Variants in RCOR3 observed in about 807,000 individuals in gnomAD.
RCOR3 encodes REST corepressor 3.
In RCOR3, 13 loss-of-function variants were observed where a neutral mutation model predicts 64.1. That is an observed-to-expected ratio of 0.20 (90% CI 0.13 to 0.32). RCOR3 has a LOEUF of 0.32. RCOR3 is among the 10% of genes least tolerant of loss of function. The pLI, the probability that RCOR3 is intolerant of heterozygous loss-of-function variation, is 1.00. For missense variants in RCOR3, 489 were observed against 701.2 expected (o/e 0.70, Z 3.42); for synonymous variants, 215 against 239.0 (o/e 0.90, Z 0.93).
chr1:211,296,053 GT>G (rs1026632595), intron 9 of RCOR3, among the ~76,000 whole-genome samples: 39 of 152,188 alleles, frequency 2.6e-4, no homozygotes, highest in African/African-American at 8.9e-4. Flanking sequence ...GCAAGCTAGT[GT>G]ATTTCTGGGT....
intron 2 of RCOR3, among the ~76,000 whole-genome samples, chr1:211,264,706 GTGAT>G (rs1694901558): frequency 6.6e-6 from 1 of 152,120 alleles, no homozygotes; most frequent in Non-Finnish European, 1.5e-5. Context: ...AATTATTAAA[GTGAT>G]TATTTTAGGA....
At chr1:211,265,735 A>G (rs866674522) in intron 2 of RCOR3, among the ~76,000 whole-genome samples, 3 of 152,168 alleles carry the variant, frequency 2.0e-5, no homozygotes, top group African/African-American at 7.2e-5. Flanking sequence ...TAAATAAAAT[A>G]AAATAAAAGT....
At chr1:211,287,539 C>T (rs1328939929) in intron 7 of RCOR3, among the ~76,000 whole-genome samples, 1 of 152,168 alleles carries the variant, frequency 6.6e-6, no homozygotes, top group Non-Finnish European at 1.5e-5. Flanking sequence ...ATCAGATCCG[C>T]CATGTGTTGC....
Position 211,313,697 on chromosome 1 carries a change from T to C in RCOR3, c.1591T>C (p.Ser531Pro). Residue 531 changes from serine to proline, a missense_variant, in exon 12 of 12, where the codon TCC becomes CCC. Transcript: ENST00000419091. This position sits in a 1 kb window ranked among gnomAD's most constrained non-coding sequence, Gnocchi z 4.7. ...PPRLNPRPVL[S>P]TVGGQQPPSL... ...CCGTCTAAACCCAAGACCGGTGTTG[T>C]CCACGGTTGGTGGTCAACAGCCACC... 6.2e-7 allele frequency: 1 copy of C among 1,614,220 alleles called. No homozygotes were observed. Among genetic ancestry groups the C allele is most frequent in the Non-Finnish European group, 8.5e-7 (1 of 1,180,034 alleles).
In RCOR3 at chr1:211,259,381, C is replaced by A; in HGVS notation, c.-180C>A. The A allele has an allele frequency of 1.7e-6, 1 of 574,542 alleles. No individual in the cohort carries two copies. The allele number at this position is 574,542 out of a possible 1,614,324, so 35.6% of individuals were successfully genotyped here. On this transcript the variant is annotated 5_prime_UTR_variant, in exon 1 of 12. It adds an upstream start codon to the 5' untranslated region. Transcript: ENST00000419091. ...GCCGGGGCGGGTTGTTGTGAGGCGA[C>A]TGCGCTACTGCCGGAGCGGGGCGGT...
Position 211,289,351 on chromosome 1 carries a change from C to A in RCOR3, c.894C>A (p.Thr298=). Residue 298 remains threonine, a synonymous_variant, in exon 8 of 12, where the codon ACC becomes ACA. Coordinates refer to ENST00000419091, the MANE Select transcript of RCOR3 (RefSeq NM_001136223.3). ...AVSCSPNAAN[T]ILRQLDMELI... The stretch of plus-strand genomic sequence containing the variant: ...CCTGTAGTCCCAATGCAGCCAACAC[C>A]ATCCTGAGGCAACTGGACATGGAGT... 6.2e-7 allele frequency: 1 copy of A among 1,614,112 alleles called. No individual in the cohort carries two copies. The highest frequency in any genetic ancestry group is 8.5e-7 in the Non-Finnish European group (1 of 1,180,002).
chr1:211,288,457 T>G (rs1407978307), intron 7 of RCOR3, among the ~76,000 whole-genome samples: 5 of 146,952 alleles, frequency 3.4e-5, no homozygotes, highest in African/African-American at 1.2e-4. Context: ...TATATTTATT[T>G]TATTACATTT....
chr1:211,310,191 A>G (rs1701340287), intron 10 of RCOR3, among the ~76,000 whole-genome samples: 1 of 152,188 alleles, frequency 6.6e-6, no homozygotes, highest in Non-Finnish European at 1.5e-5. Flanking sequence ...ATCATGGTAC[A>G]CAGAGAAAAT....
intron 10 of RCOR3, among the ~76,000 whole-genome samples, chr1:211,308,644 T>C (rs988017887): frequency 2.6e-4 from 39 of 147,966 alleles, no homozygotes; most frequent in Non-Finnish European, 4.3e-4. Context: ...GCTTACCATG[T>C]TTCGTCTTTT....
intron 3 of RCOR3, 75 bp from the exon 4 acceptor site, chr1:211,274,135 T>C: frequency 1.0e-6 from 1 of 991,624 alleles, no homozygotes; most frequent in Non-Finnish European, 1.5e-6. Flanking sequence ...TAATTTGCTA[T>C]GTTAAGAACA....
Position 211,299,836 on chromosome 1 carries a change from T to A in RCOR3, c.1017+4083T>A, listed in dbSNP as rs186192671. Among the ~76,000 whole-genome samples the A allele has an allele frequency of 2.0e-5, 3 of 152,304 alleles. No individual in the cohort carries two copies. The East Asian group carries it at 5.8e-4, about 29-fold the overall frequency. On this transcript the variant is annotated intron_variant, in intron 9 of 11. Coordinates refer to ENST00000419091, the MANE Select transcript of RCOR3 (RefSeq NM_001136223.3). ...GTGATACCATGTAGCTAACTACAGCTACCACGCAGTTTTAGATTCCTAGAT... is the reference window on the plus strand; with the variant it reads ...GTGATACCATGTAGCTAACTACAGCAACCACGCAGTTTTAGATTCCTAGAT...
intron 7 of RCOR3, among the ~76,000 whole-genome samples, chr1:211,280,880 A>T (rs1697698474): frequency 6.7e-6 from 1 of 149,894 alleles, no homozygotes. Context: ...GCTACTCGGG[A>T]GGTCGAGGCA....
At chr1:211,267,922 T>C in intron 2 of RCOR3, 1 of 348,524 alleles carries the variant, frequency 2.9e-6, no homozygotes, top group Non-Finnish European at 5.5e-6. Flanking sequence ...GGGGAAAAAT[T>C]TAAAAAAAGT....
intron 8 of RCOR3, among the ~76,000 whole-genome samples, chr1:211,293,977 A>T (rs887466882): frequency 2.0e-4 from 31 of 152,338 alleles, no homozygotes; most frequent in African/African-American, 7.5e-4. Context: ...TGTATCTCCT[A>T]GCCTTAGGAA....
intron 9 of RCOR3, 110 bp from the exon 10 acceptor site, chr1:211,303,973 G>T: frequency 1.8e-6 from 1 of 561,854 alleles, no homozygotes; most frequent in East Asian, 3.1e-5. Flanking sequence ...TCATGAATCA[G>T]AGTTGTAGTA....
At chr1:211,305,141 G>T (rs576043988) in intron 10 of RCOR3, among the ~76,000 whole-genome samples, 1 of 152,192 alleles carries the variant, frequency 6.6e-6, no homozygotes, top group Non-Finnish European at 1.5e-5. Context: ...CCGCAGTTTG[G>T]ATTAGAGAGA....
intron 5 of RCOR3, among the ~76,000 whole-genome samples, 190 bp downstream of exon 5, chr1:211,276,608 T>C (rs904189870): frequency 1.4e-4 from 21 of 152,256 alleles, no homozygotes. Flanking sequence ...GCTATTGCAT[T>C]ATAGTAAATT....
intron 10 of RCOR3, among the ~76,000 whole-genome samples, chr1:211,311,941 A>G (rs1217727954): frequency 2.0e-5 from 3 of 152,178 alleles, no homozygotes; most frequent in African/African-American, 7.2e-5. Flanking sequence ...TTCTCAATTA[A>G]CAATAAATAT....
chr1:211,260,611 C>A (rs1415913152), intron 2 of RCOR3, among the ~76,000 whole-genome samples: 1 of 152,202 alleles, frequency 6.6e-6, no homozygotes, highest in African/African-American at 2.4e-5. Flanking sequence ...CGGCTGTCAC[C>A]GGCCGGGGAA....
Sources: gnomAD v4.1 joint callset for allele counts (sites outside exome capture counted in the v4.1 genomes callset) on GRCh38, gnomAD v4.1.1 for gene constraint, Gnocchi (gnomAD v3.1) non-coding constraint, MANE v1.5 for transcripts, NCBI Gene and HGNC (gene_info 2026-07-23, HGNC 2026-07-21) for gene names.